LRRC4C: variants seen among roughly 807,000 people sequenced by gnomAD.
The protein encoded by LRRC4C is leucine-rich repeat-containing protein 4C.
A neutral mutation model predicts 33.6 loss-of-function variants in LRRC4C; 5 were observed. The observed-to-expected ratio is 0.15, with a 90% CI of 0.08 to 0.31. The LOEUF is 0.31. LRRC4C is among the 10% of genes least tolerant of loss of function. The pLI, the probability that LRRC4C is intolerant of heterozygous loss-of-function variation, is 1.00. For missense variants in LRRC4C, 560 were observed against 796.7 expected, an observed-to-expected ratio of 0.70 and a Z score of 3.58; for synonymous variants, 329 against 302.0, an observed-to-expected ratio of 1.09 and a Z score of -0.93.
intron 3 of LRRC4C, among the ~76,000 whole-genome samples, chr11:40,505,848 C>T (rs1272218744): frequency 6.6e-6 from 1 of 152,038 alleles, no homozygotes; most frequent in Non-Finnish European, 1.5e-5. Context: ...CACATTCTGA[C>T]CCCATTTTCT....
chr11:40,662,306 C>T (rs1306569187), intron 2 of LRRC4C, among the ~76,000 whole-genome samples: 1 of 152,060 alleles, frequency 6.6e-6, no homozygotes, highest in African/African-American at 2.4e-5. Flanking sequence ...GTATAAGAGA[C>T]CCCACAGGAA....
intron 1 of LRRC4C, among the ~76,000 whole-genome samples, chr11:41,231,054 C>T (rs1390559715): frequency 1.3e-5 from 2 of 152,180 alleles, no homozygotes; most frequent in Middle Eastern, 3.4e-3. Context: ...CAAATCAAAA[C>T]CACAATGAGA....
chr11:40,538,285 C>T (rs996129592), intron 3 of LRRC4C, among the ~76,000 whole-genome samples: 69 of 151,914 alleles, frequency 4.5e-4, no homozygotes, highest in Non-Finnish European at 8.2e-4. Flanking sequence ...CCTCCCCCTT[C>T]CCCCCAACCC....
chr11:40,334,775 T>G (rs529022132), intron 3 of LRRC4C, among the ~76,000 whole-genome samples: 1 of 152,304 alleles, frequency 6.6e-6, no homozygotes, highest in African/African-American at 2.4e-5. Flanking sequence ...ATTTTTACTT[T>G]ATTTCTTTTT....
At chr11:40,309,859 G>A (rs893063758) in intron 4 of LRRC4C, among the ~76,000 whole-genome samples, 5 of 152,190 alleles carry the variant, frequency 3.3e-5, no homozygotes, top group Non-Finnish European at 7.4e-5. Context: ...AAGAAGATAT[G>A]TTTGACTAGA....
At chr11:41,001,794 T>C (rs78712817) in intron 1 of LRRC4C, among the ~76,000 whole-genome samples, 3,325 of 152,242 alleles carry the variant, frequency 0.022, 107 homozygotes, top group African/African-American at 0.076. Flanking sequence ...CAATGCCCTA[T>C]TTGAATCTCA....
At chr11:40,916,554 G>C (rs972498696) in intron 2 of LRRC4C, among the ~76,000 whole-genome samples, 3 of 152,106 alleles carry the variant, frequency 2.0e-5, no homozygotes, top group Non-Finnish European at 4.4e-5. Flanking sequence ...TTGTGGGGTG[G>C]TGGGAGGTGG....
intron 2 of LRRC4C, among the ~76,000 whole-genome samples, chr11:40,735,466 C>A (rs1947812272): frequency 6.7e-6 from 1 of 148,216 alleles, no homozygotes; most frequent in Non-Finnish European, 1.5e-5. Flanking sequence ...CCAGTTTCAT[C>A]CATGTCCCTA....
intron 5 of LRRC4C, among the ~76,000 whole-genome samples, chr11:40,212,724 A>C (rs757106443): frequency 2.0e-5 from 3 of 152,142 alleles, no homozygotes; most frequent in Non-Finnish European, 2.9e-5. Flanking sequence ...GTCAGAAGAG[A>C]AAACAGAGGT....
At chr11:40,345,803 G>A (rs1014015189) in intron 3 of LRRC4C, among the ~76,000 whole-genome samples, 5 of 152,096 alleles carry the variant, frequency 3.3e-5, no homozygotes, top group African/African-American at 9.7e-5. Context: ...CTATGTATTG[G>A]ACAAAGTGGT....
chr11:40,773,892 G>T (rs927682702), intron 2 of LRRC4C, among the ~76,000 whole-genome samples: 1 of 151,872 alleles, frequency 6.6e-6, no homozygotes, highest in Non-Finnish European at 1.5e-5. Flanking sequence ...CCATTTCAAA[G>T]TATATGATTC....
intron 3 of LRRC4C, among the ~76,000 whole-genome samples, chr11:40,537,788 A>T (rs778249886): frequency 2.6e-5 from 4 of 152,148 alleles, no homozygotes; most frequent in Non-Finnish European, 4.4e-5. Flanking sequence ...GAAAGAAAAA[A>T]GGAAAGCTAT....
chr11:40,779,114 A>C (rs1017258962), intron 2 of LRRC4C, among the ~76,000 whole-genome samples: 2 of 152,106 alleles, frequency 1.3e-5, no homozygotes, highest in African/African-American at 4.8e-5. Flanking sequence ...CCAGAACCAG[A>C]GTAGTAGTAG....
chr11:41,028,325 T>C (rs1222476594), intron 1 of LRRC4C, among the ~76,000 whole-genome samples: 3 of 151,672 alleles, frequency 2.0e-5, no homozygotes, highest in Non-Finnish European at 3.0e-5. Flanking sequence ...CTTGAAAAGT[T>C]TGGTTTCAAA....
intron 3 of LRRC4C, among the ~76,000 whole-genome samples, chr11:40,387,076 A>G (rs2137410682): frequency 6.6e-6 from 1 of 152,310 alleles, no homozygotes; most frequent in South Asian, 2.1e-4. Flanking sequence ...TACAAAATAA[A>G]ATTCTGCATT....
chr11:40,983,634 C>G (rs948486636), intron 1 of LRRC4C, among the ~76,000 whole-genome samples: 1 of 152,018 alleles, frequency 6.6e-6, no homozygotes. Context: ...CTATAAGGAA[C>G]TTAGACAAAT....
At chr11:40,373,037 T>A (rs1451774796) in intron 3 of LRRC4C, among the ~76,000 whole-genome samples, 2 of 152,206 alleles carry the variant, frequency 1.3e-5, no homozygotes, top group African/African-American at 4.8e-5. Flanking sequence ...GGTGAGCTAG[T>A]TCTTCCTATG....
chr11:40,867,082 T>A (rs1299346491), intron 2 of LRRC4C, among the ~76,000 whole-genome samples: 1 of 152,208 alleles, frequency 6.6e-6, no homozygotes, highest in Non-Finnish European at 1.5e-5. Context: ...CATTCTATCC[T>A]TTTCCTTTCA....
chr11:40,557,685 T>TACAC (rs889915024), intron 3 of LRRC4C, among the ~76,000 whole-genome samples: 5 of 148,806 alleles, frequency 3.4e-5, no homozygotes, highest in Non-Finnish European at 5.9e-5. Flanking sequence ...GAGGCGTGTG[T>TACAC]GTGTGTGTGT....
Sources: allele counts gnomAD v4.1 joint callset (sites outside exome capture counted in the v4.1 genomes callset), GRCh38; gene constraint gnomAD v4.1.1; transcripts MANE v1.5; gene names NCBI Gene and HGNC (gene_info 2026-07-23, HGNC 2026-07-21).